Variants in SLC4A10 observed in about 807,000 individuals in gnomAD.
SLC4A10 encodes the protein solute carrier family 4 member 10, also known as sodium-driven chloride bicarbonate exchanger.
SLC4A10 carries 42 observed loss-of-function variants against 137.7 expected under a neutral mutation model. The ratio of observed to expected loss-of-function variants is 0.30; its 90% CI spans 0.24 to 0.39. The LOEUF (loss-of-function observed/expected upper bound fraction) is 0.39, where lower values mean the gene tolerates loss of function less well. SLC4A10 is among the 10% of genes least tolerant of loss of function. SLC4A10 has a pLI of 1.00. For synonymous variants in SLC4A10, 474 were observed against 464.1 expected, an observed-to-expected ratio of 1.02 and a Z score of -0.27; for missense variants, 925 against 1,355.0, an observed-to-expected ratio of 0.68 and a Z score of 4.98.
chr2:161,968,772 G>A (rs1465676161), intron 23 of SLC4A10, among the ~76,000 whole-genome samples: 2 of 152,154 alleles, frequency 1.3e-5, no homozygotes, highest in African/African-American at 4.8e-5. Context: ...AAAGAGGTTC[G>A]CTTTCTAGCT....
At chr2:161,900,677 C>T (rs967169609) in intron 11 of SLC4A10, among the ~76,000 whole-genome samples, 1 of 152,028 alleles carries the variant, frequency 6.6e-6, no homozygotes, top group Non-Finnish European at 1.5e-5. Context: ...TCATTTAATT[C>T]TCTTAGTCAC....
intron 15 of SLC4A10, among the ~76,000 whole-genome samples, chr2:161,940,134 T>C (rs1313632034): frequency 6.6e-6 from 1 of 152,128 alleles, no homozygotes; most frequent in African/African-American, 2.4e-5. Context: ...TACTAAATCT[T>C]GGTAAGAACA....
chr2:161,910,069 A>G lies in SLC4A10; in HGVS notation c.1997+4182A>G, dbSNP rs1685465264. ...TGAGATTGCAACCTTTGCAAACAAT[A>G]TGCCTATAATGTGCATATTTGTTTG... On this transcript the variant is annotated intron_variant, in intron 15 of 26. Transcript: ENST00000446997. 2.0e-5 allele frequency among the ~76,000 whole-genome samples: 3 copies of G among 152,186 alleles called. No individual in the cohort carries two copies. The South Asian group carries it at 6.2e-4, about 31-fold the overall frequency.
At chr2:161,693,189 G>A (rs2042169410) in intron 1 of SLC4A10, among the ~76,000 whole-genome samples, 1 of 152,038 alleles carries the variant, frequency 6.6e-6, no homozygotes, top group African/African-American at 2.4e-5. Context: ...ACTTTAAAGG[G>A]AAAGGGAGCA....
In SLC4A10 at chr2:161,903,872, G is replaced by A. The variant is rs1683700040; in HGVS notation, c.1443-132G>A. The stretch of plus-strand genomic sequence containing the variant: ...CTGTAGATTGTTATAAGACAATGCA[G>A]CAGGTTAATGTGTGTCTCACCTCTG... On this transcript the variant is annotated intron_variant, in intron 12 of 26. Transcript: ENST00000446997. The A allele has an allele frequency of 1.3e-5, 11 of 832,100 alleles. No individual in the cohort carries two copies. In the Admixed American group the frequency reaches 3.2e-4, roughly 24 times the overall value. The allele number at this position is 832,100 out of a possible 1,614,324, so 51.5% of individuals were successfully genotyped here.
At chr2:161,674,846 C>A (rs574595395) in intron 1 of SLC4A10, among the ~76,000 whole-genome samples, 20 of 152,266 alleles carry the variant, frequency 1.3e-4, no homozygotes, top group African/African-American at 4.6e-4. Context: ...AGCTTACATT[C>A]TAGTCAGAAA....
At chr2:161,802,881 C>T (rs1346233460) in intron 2 of SLC4A10, among the ~76,000 whole-genome samples, 1 of 152,000 alleles carries the variant, frequency 6.6e-6, no homozygotes, top group African/African-American at 2.4e-5. Flanking sequence ...ACTCCTATGG[C>T]CTCATTTAAC....
At chr2:161,859,773 T>C (rs2060325785) in intron 5 of SLC4A10, among the ~76,000 whole-genome samples, 1 of 151,850 alleles carries the variant, frequency 6.6e-6, no homozygotes, top group Non-Finnish European at 1.5e-5. Context: ...GCTGATTTTT[T>C]GTATTTTTAG....
intron 1 of SLC4A10, among the ~76,000 whole-genome samples, chr2:161,638,322 A>G (rs2034752340): frequency 1.3e-5 from 2 of 152,128 alleles, no homozygotes; most frequent in African/African-American, 4.8e-5. Context: ...GGTGATCCAT[A>G]GGGTTCTAGT....
intron 1 of SLC4A10, among the ~76,000 whole-genome samples, chr2:161,655,540 A>G (rs997742281): frequency 1.3e-5 from 2 of 152,180 alleles, no homozygotes; most frequent in Admixed American, 1.3e-4. Flanking sequence ...TAAATTAGTC[A>G]CCAAAAACCT....
chr2:161,708,184 T>G (rs1414362903), intron 1 of SLC4A10, among the ~76,000 whole-genome samples: 1 of 150,446 alleles, frequency 6.6e-6, no homozygotes, highest in Non-Finnish European at 1.5e-5. Context: ...AAAATCCTTT[T>G]TAGGCACTCA....
intron 3 of SLC4A10, among the ~76,000 whole-genome samples, chr2:161,812,508 G>C (rs2056652112): frequency 6.6e-6 from 1 of 151,732 alleles, no homozygotes; most frequent in African/African-American, 2.4e-5. Context: ...TACAACCCTT[G>C]TTCCCTACCC....
At chr2:161,638,504 A>T (rs1216064002) in intron 1 of SLC4A10, among the ~76,000 whole-genome samples, 1 of 152,118 alleles carries the variant, frequency 6.6e-6, no homozygotes, top group Non-Finnish European at 1.5e-5. Context: ...TTATACCAGC[A>T]CCATGATAGT....
At chr2:161,837,742 A>G (rs1262401247) in intron 3 of SLC4A10, among the ~76,000 whole-genome samples, 1 of 152,222 alleles carries the variant, frequency 6.6e-6, no homozygotes, top group Non-Finnish European at 1.5e-5. Flanking sequence ...AAAGGAATAG[A>G]CAAAGCAATG....
At chr2:161,770,858 C>G (rs1167571353) in intron 1 of SLC4A10, 115 bp from the exon 2 acceptor site, 3 of 672,912 alleles carry the variant, frequency 4.5e-6, no homozygotes, top group African/African-American at 3.7e-5. Flanking sequence ...TCATGAACAA[C>G]TAGATTTAAA....
chr2:161,895,028 G>C (rs899914937), intron 11 of SLC4A10, among the ~76,000 whole-genome samples: 1 of 149,822 alleles, frequency 6.7e-6, no homozygotes, highest in Non-Finnish European at 1.5e-5. Context: ...TCGTCATTTA[G>C]CATTAGGTAT....
chr2:161,976,029 G>A (rs1448670264), intron 24 of SLC4A10, among the ~76,000 whole-genome samples: 2 of 152,186 alleles, frequency 1.3e-5, no homozygotes, highest in Non-Finnish European at 2.9e-5. Flanking sequence ...TTGCTATGAT[G>A]TTAGGGGCAA....
At position 161,634,577 on chromosome 2, in the gene SLC4A10, C is replaced by T. The variant is rs115359374; in HGVS notation, c.48+10011C>T. On this transcript the variant is annotated intron_variant, in intron 1 of 26. Transcript: ENST00000446997. ...AAACTTTTATTTGGTTTTTAATAGA[C>T]ACATAATAATTATACATATTTGTTC... Among the ~76,000 whole-genome samples the T allele has an allele frequency of 6.6e-3, 1,004 of 151,872 alleles. 13 individuals carry two copies. Among genetic ancestry groups the T allele is most frequent in the African/African-American group, 0.023 (943 of 41,476 alleles).
At chr2:161,936,403 A>G (rs1270634526) in intron 15 of SLC4A10, among the ~76,000 whole-genome samples, 4 of 152,138 alleles carry the variant, frequency 2.6e-5, no homozygotes, top group Non-Finnish European at 5.9e-5. Context: ...CACTGAAGCC[A>G]TCAGGTCGTG....
Sources: allele counts gnomAD v4.1 joint callset (sites outside exome capture counted in the v4.1 genomes callset), GRCh38; gene constraint gnomAD v4.1.1; transcripts MANE v1.5; gene names NCBI Gene and HGNC (gene_info 2026-07-23, HGNC 2026-07-21).